CPT1A: variants seen among roughly 807,000 people sequenced by gnomAD.
The protein encoded by CPT1A is carnitine palmitoyltransferase 1A, also known as carnitine O-palmitoyltransferase 1, liver isoform.
In CPT1A, 64 loss-of-function variants were observed where a neutral mutation model predicts 100.8. That is an observed-to-expected ratio of 0.63 (90% confidence interval 0.52 to 0.78). CPT1A has a LOEUF of 0.78. Ranked by LOEUF, CPT1A falls within the 30% of genes least tolerant of loss-of-function variation. The pLI is 0.00. For synonymous variants in CPT1A, 363 were observed against 396.0 expected, an observed-to-expected ratio of 0.92 and a Z score of 0.99; for missense variants, 802 against 1,034.1, an observed-to-expected ratio of 0.78 and a Z score of 3.08.
chr11:68,781,837 C>A lies in CPT1A; in HGVS notation c.1286G>T (p.Ser429Ile). 1.9e-6 allele frequency: 3 copies of A among 1,614,132 alleles called. No homozygotes were observed. The highest frequency in any genetic ancestry group is 2.5e-6 in the Non-Finnish European group (3 of 1,180,036). The change falls in exon 11 of 19, where the codon AGT (serine) becomes ATT (isoleucine). Residue 429 changes from serine to isoleucine, a missense_variant. Around this residue, in one of 4 missense-constraint regions of CPT1A, gnomAD observed 627 missense variants for 799.3 expected, o/e 0.78. Transcript: ENST00000265641. Reference sequence around the variant, plus strand: ...GTCCATTGACGTATCCGGGTCTTCACTTCTGTATCCTTCTTCAGTTTCATC... The same window carrying A: ...GTCCATTGACGTATCCGGGTCTTCAATTCTGTATCCTTCTTCAGTTTCATC... Reference protein sequence around the residue: ...TLDETEEGYRSEDPDTSMDSY... With the variant: ...TLDETEEGYRIEDPDTSMDSY...
At chr11:68,807,210 G>A (rs187839125) in intron 4 of CPT1A, among the ~76,000 whole-genome samples, 3 of 152,228 alleles carry the variant, frequency 2.0e-5, no homozygotes, top group Admixed American at 1.3e-4. Flanking sequence ...TTTGATGAAT[G>A]ACCTGAACTA....
Position 68,755,018 on chromosome 11 carries a change from G to C in CPT1A, c.*2626C>G. ...GATAACAAATTCAAACCATGGCTGC[G>C]TTAAGACAATGGTTTGTTCCAATTA... On this transcript the variant is annotated 3_prime_UTR_variant, in exon 19 of 19. Transcript: ENST00000265641. 1.6e-6 allele frequency: 1 copy of C among 612,800 alleles called. No homozygotes were observed. The highest frequency in any genetic ancestry group is 3.0e-6 in the Non-Finnish European group (1 of 335,688). 38.0% of individuals were successfully genotyped at this position (612,800 alleles called of 1,614,324 possible). A position where few individuals can be genotyped will look rare whatever the true frequency, so the allele number is the denominator to read the frequency against.
At chr11:68,825,711 C>G (rs1449009412) in intron 1 of CPT1A, among the ~76,000 whole-genome samples, 1 of 152,064 alleles carries the variant, frequency 6.6e-6, no homozygotes, top group Non-Finnish European at 1.5e-5. Flanking sequence ...CTCACCCAGC[C>G]AGCCTCTTCC....
At chr11:68,754,699 A>T, downstream of CPT1A, 1 of 725,472 alleles carries the variant, frequency 1.4e-6, no homozygotes, top group Non-Finnish European at 2.6e-6. Context: ...TGGATGAATA[A>T]ATGCACAGCA....
At chr11:68,762,573 C>G (rs1594317535) in intron 15 of CPT1A, 54 bp downstream of exon 15, 2 of 1,607,084 alleles carry the variant, frequency 1.2e-6, no homozygotes, top group East Asian at 4.5e-5. Flanking sequence ...CCTCCAGAAG[C>G]CTTTTAGGGA....
chr11:68,840,196 G>A lies in CPT1A; in HGVS notation c.-14+1579C>T, dbSNP rs1285846294. Reference sequence around the variant, plus strand: ...CAGACCAACTGACAGCTGGATGTTCGCTGGCCTCAGCGGTGTGCATTCTCA... The same window carrying A: ...CAGACCAACTGACAGCTGGATGTTCACTGGCCTCAGCGGTGTGCATTCTCA... On this transcript the variant is annotated intron_variant, in intron 1 of 18. Transcript: ENST00000265641. Among the ~76,000 whole-genome samples the A allele has an allele frequency of 2.6e-5, 4 of 152,192 alleles. No homozygotes were observed. The East Asian group carries it at 7.7e-4, about 29-fold the overall frequency.
rs534094624 is a variant in CPT1A, at chr11:68,810,986, C to CAA, written c.281+1449_281+1450dup. Among the ~76,000 whole-genome samples, 540 of 151,082 alleles carry CAA rather than the reference C, an allele frequency of 3.6e-3. 9 individuals carry two copies. The highest frequency in any genetic ancestry group is 0.028 in the Admixed American group (418 of 15,148). ...GGCAACGGAGCAAAAACTCCATTTC[C>CAA]AAAAAAAAATCAAATTCAGCCGTTA... On this transcript the variant is annotated intron_variant, in intron 3 of 18. Coordinates refer to ENST00000265641, the MANE Select transcript of CPT1A (RefSeq NM_001876.4).
At chr11:68,767,373 G>T (rs1854837746) in intron 14 of CPT1A, among the ~76,000 whole-genome samples, 1 of 152,126 alleles carries the variant, frequency 6.6e-6, no homozygotes, top group Admixed American at 6.5e-5. Flanking sequence ...AGGATTGCTT[G>T]AGCCTAGGAG....
At chr11:68,775,475 A>C (rs755462881) in intron 12 of CPT1A, 43 bp from the exon 13 acceptor site, 3 of 1,395,482 alleles carry the variant, frequency 2.1e-6, no homozygotes, top group Non-Finnish European at 3.1e-6. Flanking sequence ...ACAGTGGTAC[A>C]TAAAACACAT....
At chr11:68,829,306 T>A (rs1041775538) in intron 1 of CPT1A, among the ~76,000 whole-genome samples, 2 of 152,168 alleles carry the variant, frequency 1.3e-5, no homozygotes, top group Non-Finnish European at 1.5e-5. Context: ...GGCTCTTTAA[T>A]CCACGTCACC....
Position 68,786,015 on chromosome 11 carries a change from C to T in CPT1A, c.968-1005G>A, listed in dbSNP as rs1029885548. ...ACTGCTCAGTGGGGATGCACAGTGA[C>T]AGCTGATCAAGGCAGATCGTCTAGT... is the stretch of plus-strand genomic sequence containing the variant. On this transcript the variant is annotated intron_variant, in intron 9 of 18. Coordinates refer to ENST00000265641, the MANE Select transcript of CPT1A (RefSeq NM_001876.4). 4 of 702,308 alleles carry T rather than the reference C, an allele frequency of 5.7e-6. No homozygotes were observed. In the Admixed American group the frequency reaches 8.0e-5, roughly 14 times the overall value. The allele number at this position is 702,308 out of a possible 1,614,324, so 43.5% of individuals were successfully genotyped here. A position where few individuals can be genotyped will look rare whatever the true frequency, so the allele number is the denominator to read the frequency against.
At chr11:68,767,372 T>C (rs1380367499) in intron 14 of CPT1A, among the ~76,000 whole-genome samples, 3 of 152,148 alleles carry the variant, frequency 2.0e-5, no homozygotes, top group Non-Finnish European at 4.4e-5. Flanking sequence ...AAGGATTGCT[T>C]GAGCCTAGGA....
At chr11:68,789,880 C>T (rs567811170) in intron 9 of CPT1A, among the ~76,000 whole-genome samples, 1 of 152,294 alleles carries the variant, frequency 6.6e-6, no homozygotes, top group South Asian at 2.1e-4. Context: ...AGCACTTACC[C>T]TCAATTTGTT....
At chr11:68,820,538 C>T (rs1284249601) in intron 1 of CPT1A, among the ~76,000 whole-genome samples, 9 of 151,984 alleles carry the variant, frequency 5.9e-5, no homozygotes, top group African/African-American at 1.9e-4. Flanking sequence ...CAAAAATTAG[C>T]TGGGCATGGT....
At chr11:68,826,823 C>T (rs1291436401) in intron 1 of CPT1A, among the ~76,000 whole-genome samples, 12 of 152,060 alleles carry the variant, frequency 7.9e-5, no homozygotes, top group African/African-American at 1.2e-4. Context: ...CAAAGTAAAT[C>T]GGGTCTGCGG....
chr11:68,763,812 C>T (rs1854707641), intron 14 of CPT1A, among the ~76,000 whole-genome samples: 1 of 152,090 alleles, frequency 6.6e-6, no homozygotes, highest in Admixed American at 6.6e-5. Context: ...CTGTTGAATG[C>T]TTTTTTTCCA....
In CPT1A at chr11:68,755,146, G is replaced by A; in HGVS notation, c.*2498C>T. 7.9e-6 allele frequency: 3 copies of A among 381,588 alleles called. No homozygotes were observed. The highest frequency in any genetic ancestry group is 1.4e-5 in the Non-Finnish European group (3 of 207,334). 23.6% of individuals were successfully genotyped at this position (381,588 alleles called of 1,614,324 possible). A position where few individuals can be genotyped will look rare whatever the true frequency, so the allele number is the denominator to read the frequency against. ...AAATTGCATTGATAACTGCACTGATGAGCAACAATTACATTTGAAACATTT... is the reference window on the plus strand; with the variant it reads ...AAATTGCATTGATAACTGCACTGATAAGCAACAATTACATTTGAAACATTT... On this transcript the variant is annotated 3_prime_UTR_variant, in exon 19 of 19. Coordinates refer to ENST00000265641, the MANE Select transcript of CPT1A (RefSeq NM_001876.4).
At chr11:68,821,241 C>T (rs1012598901) in intron 1 of CPT1A, among the ~76,000 whole-genome samples, 1 of 152,172 alleles carries the variant, frequency 6.6e-6, no homozygotes, top group Non-Finnish European at 1.5e-5. Context: ...CACCCTCTGC[C>T]TCCTGGGTTC....
intron 9 of CPT1A, among the ~76,000 whole-genome samples, chr11:68,791,678 G>A (rs537664115): frequency 1.6e-4 from 24 of 152,118 alleles, no homozygotes; most frequent in Admixed American, 9.2e-4. Flanking sequence ...CTGGGATTAC[G>A]GGTGCCCACC....
Sources: gnomAD v4.1 joint callset for allele counts (sites outside exome capture counted in the v4.1 genomes callset) on GRCh38, gnomAD v4.1.1 for gene constraint, gnomAD v4.1.1 regional missense constraint, MANE v1.5 for transcripts, NCBI Gene and HGNC (gene_info 2026-07-23, HGNC 2026-07-21) for gene names.